Variants in MSRA observed in about 807,000 individuals in gnomAD.
The protein encoded by MSRA is mitochondrial peptide methionine sulfoxide reductase.
MSRA carries 54 observed loss-of-function variants against 31.3 expected under a neutral mutation model. That is an observed-to-expected ratio of 1.73 (90% CI 1.39 to 2.17). The LOEUF (loss-of-function observed/expected upper bound fraction) is 2.17, where lower values mean the gene tolerates loss of function less well. Among genes scored for constraint, MSRA ranks in the 30% most tolerant of loss-of-function variants. The probability of loss-of-function intolerance (pLI) is 0.00; values close to 1 mark genes in which losing one functional copy is unlikely to be tolerated. For synonymous variants in MSRA, 169 were observed against 116.5 expected (o/e 1.45, Z -2.90); for missense variants, 507 against 300.9 (o/e 1.69, Z -5.07).
intron 1 of MSRA, among the ~76,000 whole-genome samples, chr8:10,078,499 C>G (rs1006245255): frequency 1.3e-5 from 2 of 152,230 alleles, no homozygotes; most frequent in Non-Finnish European, 2.9e-5. Flanking sequence ...ACCAGTGACC[C>G]CTGGGGTGGG....
intron 5 of MSRA, among the ~76,000 whole-genome samples, chr8:10,330,396 T>C (rs1802626712): frequency 6.6e-6 from 1 of 152,224 alleles, no homozygotes; most frequent in African/African-American, 2.4e-5. Context: ...AACCAGATAA[T>C]TCCCCAGCAA....
intron 1 of MSRA, among the ~76,000 whole-genome samples, chr8:10,196,258 C>T (rs1487266809): frequency 2.0e-5 from 3 of 152,182 alleles, no homozygotes; most frequent in Non-Finnish European, 4.4e-5. Flanking sequence ...TCTCTTCGTG[C>T]TGTGGTGTAG....
intron 1 of MSRA, among the ~76,000 whole-genome samples, chr8:10,141,419 C>A (rs577572442): frequency 6.6e-6 from 1 of 152,164 alleles, no homozygotes; most frequent in Non-Finnish European, 1.5e-5. Flanking sequence ...GAAAGGAAAA[C>A]GCACTCCAAT....
chr8:10,073,116 A>G (rs1454994992), intron 1 of MSRA, among the ~76,000 whole-genome samples: 2 of 152,240 alleles, frequency 1.3e-5, no homozygotes, highest in East Asian at 3.9e-4. Flanking sequence ...TATGTTAAAT[A>G]AAAGTAGTGA....
At chr8:10,359,773 G>A (rs1030558324) in intron 5 of MSRA, among the ~76,000 whole-genome samples, 7 of 152,138 alleles carry the variant, frequency 4.6e-5, no homozygotes, top group South Asian at 2.1e-4. Flanking sequence ...GATGGAGGAC[G>A]GTCTCAGACA....
chr8:10,092,764 T>C (rs1032967537), intron 1 of MSRA, among the ~76,000 whole-genome samples: 1 of 152,236 alleles, frequency 6.6e-6, no homozygotes, highest in African/African-American at 2.4e-5. Context: ...CTAGTTGTTC[T>C]CACAGTTGTG....
chr8:10,133,571 G>A lies in MSRA; in HGVS notation c.143-74262G>A, dbSNP rs148192243. Among the ~76,000 whole-genome samples, 252 of 152,280 alleles carry A rather than the reference G, an allele frequency of 1.7e-3. 1 individual carries two copies. Among genetic ancestry groups the A allele is most frequent in the African/African-American group, 5.6e-3 (234 of 41,564 alleles). ...GGCTTTGCTGCCTACCAGCTGTGTG[G>A]CCCTTCCAGTGTGAACCTGTCCAGA... On this transcript the variant is annotated intron_variant, in intron 1 of 5. Transcript: ENST00000317173.
chr8:10,091,305 A>G (rs1279285864), intron 1 of MSRA, among the ~76,000 whole-genome samples: 1 of 152,240 alleles, frequency 6.6e-6, no homozygotes, highest in Non-Finnish European at 1.5e-5. Context: ...ATGGTGTATA[A>G]CATATTTGCA....
At chr8:10,083,207 A>G (rs1798379997) in intron 1 of MSRA, among the ~76,000 whole-genome samples, 2 of 152,240 alleles carry the variant, frequency 1.3e-5, no homozygotes, top group African/African-American at 2.4e-5. Flanking sequence ...AAGATTATGA[A>G]TTTGATCTTA....
chr8:10,302,762 G>A (rs569234182), intron 4 of MSRA, among the ~76,000 whole-genome samples: 1 of 152,190 alleles, frequency 6.6e-6, no homozygotes, highest in Non-Finnish European at 1.5e-5. Flanking sequence ...GAAGGAGGCC[G>A]GGGGCACGAT....
intron 5 of MSRA, among the ~76,000 whole-genome samples, chr8:10,373,040 A>C (rs968345297): frequency 1.3e-5 from 2 of 152,098 alleles, no homozygotes; most frequent in Non-Finnish European, 2.9e-5. Context: ...CAGGCATGGC[A>C]TTTACCACAC....
chr8:10,259,373 G>C (rs777902318), intron 3 of MSRA, among the ~76,000 whole-genome samples: 1 of 152,158 alleles, frequency 6.6e-6, no homozygotes, highest in Non-Finnish European at 1.5e-5. Flanking sequence ...ACAGAATGCA[G>C]TTACAAGAAG....
chr8:10,343,971 C>G (rs1467599758), intron 5 of MSRA, among the ~76,000 whole-genome samples: 2 of 152,130 alleles, frequency 1.3e-5, no homozygotes, highest in African/African-American at 4.8e-5. Flanking sequence ...CTGGGAGATA[C>G]CACTTGTGGC....
intron 5 of MSRA, among the ~76,000 whole-genome samples, chr8:10,327,621 G>A (rs1235156453): frequency 6.6e-6 from 1 of 152,100 alleles, no homozygotes; most frequent in Non-Finnish European, 1.5e-5. Flanking sequence ...CGGGGAGGAA[G>A]AAGACAGTGT....
At chr8:10,346,526 G>A (rs1055481471) in intron 5 of MSRA, among the ~76,000 whole-genome samples, 9 of 152,180 alleles carry the variant, frequency 5.9e-5, no homozygotes, top group Non-Finnish European at 8.8e-5. Context: ...TTGAATCAGA[G>A]CTTGCTACAT....
rs1289750431 is a variant in MSRA at position 10,200,218 on chromosome 8, G to A, written c.143-7615G>A. ...GTCGTGGAGGGCGGGGTTGACTGCG[G>A]GGAGGCCGTGGTCAGAGCAAGAGGA... On this transcript the variant is annotated intron_variant, in intron 1 of 5. Transcript: ENST00000317173. 1.2e-4 allele frequency among the ~76,000 whole-genome samples: 18 copies of A among 152,304 alleles called. No homozygotes were observed. The East Asian group carries it at 3.3e-3, about 28-fold the overall frequency.
intron 5 of MSRA, among the ~76,000 whole-genome samples, chr8:10,377,026 C>G (rs1044409565): frequency 6.6e-6 from 1 of 152,230 alleles, no homozygotes; most frequent in Non-Finnish European, 1.5e-5. Flanking sequence ...CTGAAGCCTT[C>G]TAGATCTGAC....
chr8:10,072,880 C>G (rs1797813240), intron 1 of MSRA, among the ~76,000 whole-genome samples: 1 of 152,122 alleles, frequency 6.6e-6, no homozygotes, highest in Non-Finnish European at 1.5e-5. Flanking sequence ...GATATGGTAT[C>G]TTTAATTTTG....
At chr8:10,204,405 C>T (rs1808764510) in intron 1 of MSRA, among the ~76,000 whole-genome samples, 1 of 152,224 alleles carries the variant, frequency 6.6e-6, no homozygotes, top group Non-Finnish European at 1.5e-5. Context: ...CATAAATACC[C>T]TAGACAGGTG....
Sources: allele counts gnomAD v4.1 joint callset (sites outside exome capture counted in the v4.1 genomes callset), GRCh38; gene constraint gnomAD v4.1.1; transcripts MANE v1.5; gene names NCBI Gene and HGNC (gene_info 2026-07-23, HGNC 2026-07-21).